Variants in KIF26B observed in about 807,000 individuals in gnomAD.
KIF26B encodes kinesin-like protein KIF26B.
KIF26B carries 63 observed loss-of-function variants against 151.2 expected under a neutral mutation model. That is an observed-to-expected ratio of 0.42 (90% CI 0.34 to 0.51). The LOEUF (loss-of-function observed/expected upper bound fraction) is 0.51. Among genes scored for constraint, KIF26B ranks in the 20% least tolerant of loss-of-function variants. KIF26B has a pLI of 0.07. For synonymous variants in KIF26B, 1,357 were observed against 1,262.1 expected (o/e 1.08, Z -1.59); for missense variants, 2,813 against 2,913.6 (o/e 0.97, Z 0.79).
At position 245,572,554 on chromosome 1, in the gene KIF26B, A is replaced by G. The variant is rs1572134790; in HGVS notation, c.1351-30023A>G. On this transcript the variant is annotated intron_variant, in intron 5 of 14. Transcript: ENST00000407071. The surrounding 1 kb of genome is among the most constrained non-coding windows in gnomAD (Gnocchi z 4.2). The stretch of plus-strand genomic sequence containing the variant: ...CGGTGAACACTCAGTTAAAATTCCT[A>G]CTCGCTGCAGTGGGAAATTTTATGT... Among the ~76,000 whole-genome samples the G allele has an allele frequency of 6.6e-6, 1 of 151,840 alleles. No homozygotes were observed. Among genetic ancestry groups the G allele is most frequent in the Non-Finnish European group, 1.5e-5 (1 of 67,980 alleles).
At chr1:245,419,815 C>G in intron 4 of KIF26B, 70 bp downstream of exon 4, 1 of 1,382,430 alleles carries the variant, frequency 7.2e-7, no homozygotes, top group Non-Finnish European at 9.9e-7. Context: ...CGTGGACTAG[C>G]TCAGCTGAAA....
rs1336906012 is a variant in KIF26B at position 245,476,519 on chromosome 1, TTTATTTATTTAC to T, written c.1166+56778_1166+56789del. 8.2e-3 allele frequency among the ~76,000 whole-genome samples: 1,087 copies of T among 132,688 alleles called. 17 individuals carry two copies. The highest frequency in any genetic ancestry group is 0.025 in the African/African-American group (978 of 38,412). The allele number at this position is 132,688 out of a possible 152,430, so 87.0% of individuals were successfully genotyped here. ...ACACATTTATTTATTTATTTATTTATTTATTTATTTACTTACTTACTTACTTACTTACTTGAG... is the reference window on the plus strand; with the variant it reads ...ACACATTTATTTATTTATTTATTTATTTACTTACTTACTTACTTACTTGAG... On this transcript the variant is annotated intron_variant, in intron 4 of 14. Transcript: ENST00000407071.
At chr1:245,351,351 G>T (rs1334124199) in intron 2 of KIF26B, among the ~76,000 whole-genome samples, 1 of 152,076 alleles carries the variant, frequency 6.6e-6, no homozygotes, top group Non-Finnish European at 1.5e-5. Context: ...GAAGTGTGTG[G>T]CTTCTTCCCT....
rs532478084 is a variant in KIF26B at position 245,568,991 on chromosome 1, C to A, written c.1350+28041C>A. 5.9e-5 allele frequency among the ~76,000 whole-genome samples: 9 copies of A among 152,292 alleles called. No homozygotes were observed. The East Asian group carries it at 1.7e-3, about 29-fold the overall frequency. On this transcript the variant is annotated intron_variant, in intron 5 of 14. Coordinates refer to ENST00000407071, the MANE Select transcript of KIF26B (RefSeq NM_018012.4). ...CTATTTCCAGGTTTAAGATGATGAACATGATTGGTTTTGCCCCGTGCTCAC... is the reference window on the plus strand; with the variant it reads ...CTATTTCCAGGTTTAAGATGATGAAAATGATTGGTTTTGCCCCGTGCTCAC...
chr1:245,471,878 A>C (rs2103064172), intron 4 of KIF26B, among the ~76,000 whole-genome samples: 1 of 149,796 alleles, frequency 6.7e-6, no homozygotes, highest in South Asian at 2.1e-4. Flanking sequence ...TGCAACCTCC[A>C]CCTCCCGGGT....
In KIF26B at chr1:245,516,630, G is replaced by A. The variant is rs1245288427; in HGVS notation, c.1167-24137G>A. On this transcript the variant is annotated intron_variant, in intron 4 of 14. Transcript: ENST00000407071. This position sits in a 1 kb window ranked among gnomAD's most constrained non-coding sequence, Gnocchi z 4.2. ...GAACCACCTGCTGTGTCTTGGTGGGGGTGGAGATGTGGGGTGAAGTAATGA... is the reference window on the plus strand; with the variant it reads ...GAACCACCTGCTGTGTCTTGGTGGGAGTGGAGATGTGGGGTGAAGTAATGA... Among the ~76,000 whole-genome samples the A allele has an allele frequency of 6.6e-6, 1 of 152,134 alleles. No individual in the cohort carries two copies. The highest frequency in any genetic ancestry group is 6.5e-5 in the Admixed American group (1 of 15,274).
chr1:245,205,714 CTTTTTTTTTTTT>C (rs67318995), intron 2 of KIF26B, among the ~76,000 whole-genome samples: 2 of 140,188 alleles, frequency 1.4e-5, no homozygotes, highest in Admixed American at 1.4e-4. Context: ...CTTTTCTTTT[CTTTTTTTTTTTT>C]TTTAGACATA....
At chr1:245,517,869 ATTT>A (rs549396811) in intron 4 of KIF26B, among the ~76,000 whole-genome samples, 31,854 of 130,474 alleles carry the variant, frequency 0.24, 4,194 homozygotes, top group East Asian at 0.46. Flanking sequence ...GTGTCATGTA[ATTT>A]TTTTTTTTTT....
intron 2 of KIF26B, among the ~76,000 whole-genome samples, chr1:245,191,059 CAAAAAAAAAAAA>C (rs55993346): frequency 5.8e-5 from 3 of 52,076 alleles, no homozygotes; most frequent in South Asian, 1.4e-3. Flanking sequence ...GACTCTGTCT[CAAAAAAAAAAAA>C]AAAAAAAAAA....
chr1:245,534,763 T>C (rs1661452311), intron 4 of KIF26B, among the ~76,000 whole-genome samples: 1 of 151,404 alleles, frequency 6.6e-6, no homozygotes, highest in East Asian at 1.9e-4. Context: ...AATATACTTC[T>C]AATCAAAATG....
At chr1:245,582,644 G>A (rs892451046) in intron 5 of KIF26B, among the ~76,000 whole-genome samples, 4 of 152,096 alleles carry the variant, frequency 2.6e-5, no homozygotes, top group Non-Finnish European at 5.9e-5. Context: ...TATGCTTATC[G>A]TCTGTCTCCC....
At chr1:245,651,757 AG>A (rs2044018645) in intron 10 of KIF26B, among the ~76,000 whole-genome samples, 1 of 152,150 alleles carries the variant, frequency 6.6e-6, no homozygotes, top group Non-Finnish European at 1.5e-5. Flanking sequence ...TGTGTGTGCG[AG>A]GGATCTAGCC....
intron 9 of KIF26B, among the ~76,000 whole-genome samples, chr1:245,640,438 A>T (rs1386514942): frequency 6.6e-6 from 1 of 151,676 alleles, no homozygotes; most frequent in Non-Finnish European, 1.5e-5. Flanking sequence ...TAGGCAACAT[A>T]TACTTGGGTC....
At chr1:245,453,942 A>G (rs1659455096) in intron 4 of KIF26B, among the ~76,000 whole-genome samples, 1 of 152,208 alleles carries the variant, frequency 6.6e-6, no homozygotes, top group African/African-American at 2.4e-5. Context: ...CAATATTCTC[A>G]TCATGTTCAA....
intron 5 of KIF26B, among the ~76,000 whole-genome samples, chr1:245,582,460 CTTTT>C (rs200219775): frequency 6.8e-6 from 1 of 147,872 alleles, no homozygotes; most frequent in Non-Finnish European, 1.5e-5. Context: ...ATAGCCTGTG[CTTTT>C]TTTTTTAAGT....
chr1:245,285,112 T>A (rs1246569086), intron 2 of KIF26B, among the ~76,000 whole-genome samples: 1 of 152,246 alleles, frequency 6.6e-6, no homozygotes, highest in Non-Finnish European at 1.5e-5. Context: ...AGTTAGGGTC[T>A]GCTGGTCCAG....
At chr1:245,169,952 A>T (rs1668682456) in intron 2 of KIF26B, among the ~76,000 whole-genome samples, 1 of 151,918 alleles carries the variant, frequency 6.6e-6, no homozygotes, top group Admixed American at 6.6e-5. Flanking sequence ...GATCTCCTTG[A>T]CACTACACTC....
In KIF26B at chr1:245,304,526, C is replaced by T. The variant is rs535453276; in HGVS notation, c.466-62308C>T. Among the ~76,000 whole-genome samples the T allele has an allele frequency of 7.2e-5, 11 of 152,320 alleles. No individual in the cohort carries two copies. The South Asian group carries it at 2.3e-3, about 32-fold the overall frequency. Reference sequence around the variant, plus strand: ...TAACTTTGAGGAGGAAGTATCCCTTCTCTTTGGGTATCTCTGGGAAGTTGC... The same window carrying T: ...TAACTTTGAGGAGGAAGTATCCCTTTTCTTTGGGTATCTCTGGGAAGTTGC... On this transcript the variant is annotated intron_variant, in intron 2 of 14. Transcript: ENST00000407071.
At chr1:245,460,649 G>A (rs1445823029) in intron 4 of KIF26B, among the ~76,000 whole-genome samples, 3 of 152,230 alleles carry the variant, frequency 2.0e-5, no homozygotes, top group Non-Finnish European at 4.4e-5. Flanking sequence ...GTGAGAAGAA[G>A]GTTGATGTTT....
Sources: allele counts gnomAD v4.1 joint callset (sites outside exome capture counted in the v4.1 genomes callset), GRCh38; gene constraint gnomAD v4.1.1; non-coding constraint Gnocchi (gnomAD v3.1); transcripts MANE v1.5; gene names NCBI Gene and HGNC (gene_info 2026-07-23, HGNC 2026-07-21).